TBC1D8: variants seen among roughly 807,000 people sequenced by gnomAD.
The protein encoded by TBC1D8 is BUB2-like protein 1.
A neutral mutation model predicts 118.8 loss-of-function variants in TBC1D8; 65 were observed. The observed-to-expected ratio is 0.55, with a 90% CI of 0.45 to 0.67. TBC1D8 has a LOEUF of 0.67. Among genes scored for constraint, TBC1D8 ranks in the 30% least tolerant of loss-of-function variants. The probability of loss-of-function intolerance (pLI) is 0.00; values close to 1 mark genes in which losing one functional copy is unlikely to be tolerated. For synonymous variants in TBC1D8, 566 were observed against 595.8 expected (o/e 0.95, Z 0.73); for missense variants, 1,376 against 1,471.2 (o/e 0.94, Z 1.06).
intron 3 of TBC1D8, among the ~76,000 whole-genome samples, chr2:101,055,974 G>A (rs960310684): frequency 6.6e-6 from 1 of 151,580 alleles, no homozygotes; most frequent in African/African-American, 2.4e-5. Flanking sequence ...AACACAGCAA[G>A]ACCCCATCTC....
chr2:101,048,270 C>T (rs888969388), intron 5 of TBC1D8, among the ~76,000 whole-genome samples: 4 of 152,134 alleles, frequency 2.6e-5, no homozygotes, highest in Non-Finnish European at 5.9e-5. Context: ...ACTGTAGAGG[C>T]ATTTGAAGAA....
Position 101,054,223 on chromosome 2 carries a change from C to A in TBC1D8, c.516G>T (p.Glu172Asp). Residue 172 changes from glutamate (E) to aspartate (D), a missense_variant, in exon 4 of 20, where the codon GAG (glutamate) becomes GAT (aspartate). Coordinates refer to ENST00000409318, the MANE Select transcript of TBC1D8 (RefSeq NM_001330348.2). ...FEARFNFPEA[E>D]KLVTYYSCCC... ...AGCAGGAGTAGTAGGTGACCAGCTT[C>A]TCCGCCTCGGGGAAGTTGAACCTGG... 1.2e-6 allele frequency: 2 copies of A among 1,610,888 alleles called. No homozygotes were observed. The highest frequency in any genetic ancestry group is 1.7e-6 in the Non-Finnish European group (2 of 1,178,678).
In TBC1D8 at chr2:101,142,852, G is replaced by A. The variant is rs1230301339; in HGVS notation, c.127+8275C>T. On this transcript the variant is annotated intron_variant, in intron 1 of 19. Coordinates refer to ENST00000409318, the MANE Select transcript of TBC1D8 (RefSeq NM_001330348.2). ...GAAATGTAATCAGGAAAACACAGAA[G>A]GGGTCTCTCAGGCATAGGATATACT... 2.0e-5 allele frequency among the ~76,000 whole-genome samples: 3 copies of A among 152,202 alleles called. No individual in the cohort carries two copies. The South Asian group carries it at 6.2e-4, about 32-fold the overall frequency.
intron 1 of TBC1D8, among the ~76,000 whole-genome samples, chr2:101,093,133 ACTTT>A (rs1252883832): frequency 1.3e-5 from 2 of 152,126 alleles, no homozygotes; most frequent in African/African-American, 2.4e-5. Flanking sequence ...CCTTTTCTCT[ACTTT>A]CTTTATTGTA....
intron 2 of TBC1D8, among the ~76,000 whole-genome samples, chr2:101,061,086 G>T (rs1369001794): frequency 2.0e-5 from 3 of 151,300 alleles, no homozygotes; most frequent in African/African-American, 7.3e-5. Context: ...TTCTTGGGAG[G>T]CTGGGTCAGG....
At chr2:101,019,896 A>C (rs1679919747) in intron 17 of TBC1D8, among the ~76,000 whole-genome samples, 1 of 148,186 alleles carries the variant, frequency 6.7e-6, no homozygotes, top group African/African-American at 2.5e-5. Flanking sequence ...GTGAAACCCT[A>C]TCTCTGCTAA....
At chr2:101,031,704 C>T (rs1194134248) in intron 11 of TBC1D8, among the ~76,000 whole-genome samples, 1 of 148,096 alleles carries the variant, frequency 6.8e-6, no homozygotes, top group Non-Finnish European at 1.5e-5. Flanking sequence ...GTCCAGATAG[C>T]AGCCAACGAG....
At chr2:101,076,350 TG>T (rs1288446215) in intron 2 of TBC1D8, among the ~76,000 whole-genome samples, 1 of 152,222 alleles carries the variant, frequency 6.6e-6, no homozygotes. Flanking sequence ...GAGAATGCAA[TG>T]GAAGCTGTCA....
At chr2:101,056,273 G>A (rs560979194) in intron 3 of TBC1D8, among the ~76,000 whole-genome samples, 1,743 of 149,978 alleles carry the variant, frequency 0.012, 45 homozygotes, top group African/African-American at 0.041. Flanking sequence ...GCGTGATCTC[G>A]GCTCACTGCA....
intron 1 of TBC1D8, among the ~76,000 whole-genome samples, chr2:101,122,464 GTTTTTC>G (rs1678174929): frequency 6.8e-6 from 1 of 147,022 alleles, no homozygotes; most frequent in Non-Finnish European, 1.5e-5. Flanking sequence ...GGGATTATGA[GTTTTTC>G]TTTTTCATTT....
chr2:101,032,495 G>C (rs552439509), intron 10 of TBC1D8, 110 bp from the exon 11 acceptor site: 1 of 855,756 alleles, frequency 1.2e-6, no homozygotes. Flanking sequence ...TCATAGGTGA[G>C]AGATCCAGCA....
chr2:101,007,537 T>C lies in TBC1D8; in HGVS notation c.*284A>G. ...ACATTGTGTTCATCTGAGAGCAAAA[T>C]CAACACTAGCATCACAGCAGAAGTG... On this transcript the variant is annotated 3_prime_UTR_variant, in exon 20 of 20. Coordinates refer to ENST00000409318, the MANE Select transcript of TBC1D8 (RefSeq NM_001330348.2). 1 of 393,518 alleles carries C rather than the reference T, an allele frequency of 2.5e-6. No individual in the cohort carries two copies. Among genetic ancestry groups the C allele is most frequent in the Non-Finnish European group, 4.6e-6 (1 of 217,130 alleles). The allele number at this position is 393,518 out of a possible 1,614,324, so 24.4% of individuals were successfully genotyped here. A position where few individuals can be genotyped will look rare whatever the true frequency, so the allele number is the denominator to read the frequency against.
intron 11 of TBC1D8, among the ~76,000 whole-genome samples, chr2:101,031,475 T>C (rs1172869834): frequency 2.0e-5 from 3 of 152,194 alleles, no homozygotes; most frequent in East Asian, 1.9e-4. Flanking sequence ...CTGTCTGAAG[T>C]TGGTTCTGTT....
At chr2:101,085,390 G>A (rs967334623) in intron 2 of TBC1D8, among the ~76,000 whole-genome samples, 2 of 151,766 alleles carry the variant, frequency 1.3e-5, no homozygotes, top group South Asian at 2.1e-4. Context: ...AACCTAGGGG[G>A]GAGAAAAAAA....
At position 101,056,248 on chromosome 2, in the gene TBC1D8, G is replaced by C. The variant is rs373774279; in HGVS notation, c.403-1912C>G. On this transcript the variant is annotated intron_variant, in intron 3 of 19. Transcript: ENST00000409318. ...TGAGACAGTCTCGCTCTGTCGCCCA[G>C]GCTGGAGTGCAGTGGCGTGATCTCG... is the stretch of plus-strand genomic sequence containing the variant. Among the ~76,000 whole-genome samples the C allele has an allele frequency of 2.0e-5, 3 of 149,288 alleles. No homozygotes were observed. In the East Asian group the frequency reaches 5.9e-4, roughly 29 times the overall value.
At chr2:101,102,889 T>C (rs972410949) in intron 1 of TBC1D8, among the ~76,000 whole-genome samples, 1 of 150,478 alleles carries the variant, frequency 6.6e-6, no homozygotes, top group Non-Finnish European at 1.5e-5. Context: ...AAAAAAAAAA[T>C]ACCAAGCTGA....
chr2:101,038,091 G>A (rs1486547666), intron 7 of TBC1D8, among the ~76,000 whole-genome samples: 1 of 152,144 alleles, frequency 6.6e-6, no homozygotes, highest in Non-Finnish European at 1.5e-5. Flanking sequence ...TTGAGAAAGA[G>A]AAGAGACATG....
At chr2:101,026,478 C>T (rs933810629) in intron 15 of TBC1D8, among the ~76,000 whole-genome samples, 2 of 152,232 alleles carry the variant, frequency 1.3e-5, no homozygotes, top group African/African-American at 4.8e-5. Flanking sequence ...ACTAACCCAA[C>T]AACCCTGCAG....
intron 2 of TBC1D8, among the ~76,000 whole-genome samples, chr2:101,089,184 C>T (rs538077663): frequency 7.8e-4 from 119 of 152,182 alleles, no homozygotes; most frequent in Middle Eastern, 3.4e-3. Flanking sequence ...GAGACTCCAT[C>T]TCAATAAAAT....
Sources: allele counts gnomAD v4.1 joint callset (sites outside exome capture counted in the v4.1 genomes callset), GRCh38; gene constraint gnomAD v4.1.1; transcripts MANE v1.5; gene names NCBI Gene and HGNC (gene_info 2026-07-23, HGNC 2026-07-21).